Variants in PCSK6 observed in about 807,000 individuals in gnomAD.
PCSK6 encodes paired basic amino acid cleaving enzyme 4.
In PCSK6, 85 loss-of-function variants were observed where a neutral mutation model predicts 123.3. The observed-to-expected ratio is 0.69, with a 90% CI of 0.58 to 0.83. The LOEUF is 0.83. Ranked by LOEUF, PCSK6 falls within the 40% of genes least tolerant of loss-of-function variation. The pLI is 0.00. For synonymous variants in PCSK6, 508 were observed against 516.0 expected, an observed-to-expected ratio of 0.98 and a Z score of 0.21; for missense variants, 1,191 against 1,282.3, an observed-to-expected ratio of 0.93 and a Z score of 1.09.
chr15:101,364,557 A>G lies in PCSK6; in HGVS notation c.1858+1639T>C, dbSNP rs183035949. On this transcript the variant is annotated intron_variant, in intron 13 of 21. Transcript: ENST00000611716. The stretch of plus-strand genomic sequence containing the variant: ...AAATTAAGAAAACCATTCCATTTGC[A>G]ATAGCATAAAAATAATAAAATACTT... Among the ~76,000 whole-genome samples the G allele has an allele frequency of 8.7e-4, 132 of 152,358 alleles. 1 individual carries two copies. The highest frequency in any genetic ancestry group is 1.6e-3 in the Non-Finnish European group (108 of 68,036).
Position 101,483,867 on chromosome 15 carries a change from A to G in PCSK6, c.297+5507T>C, listed in dbSNP as rs993382964. 7.2e-5 allele frequency among the ~76,000 whole-genome samples: 11 copies of G among 152,310 alleles called. No individual in the cohort carries two copies. In the South Asian group the frequency reaches 2.3e-3, roughly 32 times the overall value. On this transcript the variant is annotated intron_variant, in intron 1 of 21. Coordinates refer to ENST00000611716, the MANE Select transcript of PCSK6 (RefSeq NM_002570.5). The stretch of plus-strand genomic sequence containing the variant: ...GTGGATCGGCCCAGTCTGGACATCT[A>G]AAGTAGGGACTTCTTAACATGGGCC...
intron 13 of PCSK6, among the ~76,000 whole-genome samples, chr15:101,355,356 T>A (rs1230275608): frequency 6.6e-6 from 1 of 152,232 alleles, no homozygotes; most frequent in Non-Finnish European, 1.5e-5. Flanking sequence ...GCCTGATTAT[T>A]TTTTCTATTT....
intron 13 of PCSK6, among the ~76,000 whole-genome samples, chr15:101,361,099 C>T (rs546382908): frequency 6.6e-6 from 1 of 151,274 alleles, no homozygotes; most frequent in Non-Finnish European, 1.5e-5. Context: ...ATGAATTCCA[C>T]TTCCTAATGT....
At chr15:101,365,921 G>A (rs1340233350) in intron 13 of PCSK6, 4 of 260,194 alleles carry the variant, frequency 1.5e-5, no homozygotes, top group South Asian at 1.2e-4. Context: ...AGGGAATGGG[G>A]AGTGGCTGCT....
At chr15:101,372,743 T>C (rs1596250221) in intron 11 of PCSK6, among the ~76,000 whole-genome samples, 2 of 152,278 alleles carry the variant, frequency 1.3e-5, no homozygotes, top group Admixed American at 6.5e-5. Context: ...GGCTTCAAAA[T>C]GTAGCTCCCA....
chr15:101,325,310 G>A (rs564582553), intron 16 of PCSK6, among the ~76,000 whole-genome samples: 4 of 152,202 alleles, frequency 2.6e-5, no homozygotes, highest in Admixed American at 6.5e-5. Context: ...CAAGGGCATC[G>A]TGAGGTTCGT....
At chr15:101,361,109 TTTTA>T (rs1230226971) in intron 13 of PCSK6, among the ~76,000 whole-genome samples, 2 of 152,140 alleles carry the variant, frequency 1.3e-5, no homozygotes, top group Non-Finnish European at 2.9e-5. Flanking sequence ...CTTCCTAATG[TTTTA>T]TTTAAGACTT....
chr15:101,418,543 G>A (rs796760403), intron 6 of PCSK6, among the ~76,000 whole-genome samples: 15 of 147,868 alleles, frequency 1.0e-4, no homozygotes, highest in African/African-American at 3.8e-4. Flanking sequence ...TTTTTTTGAG[G>A]CAAAGTCTTA....
intron 6 of PCSK6, among the ~76,000 whole-genome samples, chr15:101,403,019 C>T (rs2042640523): frequency 6.6e-6 from 1 of 152,042 alleles, no homozygotes; most frequent in Non-Finnish European, 1.5e-5. Context: ...TTGGAACCAA[C>T]CCAAATGTCC....
At chr15:101,464,660 G>T (rs1285263066) in intron 1 of PCSK6, among the ~76,000 whole-genome samples, 3 of 152,174 alleles carry the variant, frequency 2.0e-5, no homozygotes, top group Non-Finnish European at 4.4e-5. Flanking sequence ...GGTCTGCTGG[G>T]AATGCAGGGA....
intron 6 of PCSK6, among the ~76,000 whole-genome samples, chr15:101,423,416 A>G (rs1457740711): frequency 6.6e-6 from 1 of 152,008 alleles, no homozygotes; most frequent in Non-Finnish European, 1.5e-5. Context: ...ATGTGCCACC[A>G]CACCTGGCTG....
Position 101,305,183 on chromosome 15 carries a change from C to G in PCSK6, c.*75G>C, listed in dbSNP as rs1414531232. The G allele has an allele frequency of 7.8e-7, 1 of 1,282,276 alleles. No homozygotes were observed. The highest frequency in any genetic ancestry group is 1.1e-6 in the Non-Finnish European group (1 of 910,060). The allele number at this position is 1,282,276 out of a possible 1,614,324, so 79.4% of individuals were successfully genotyped here. ...CAGGGCGCCGCTCCTGAAACAGACT[C>G]TGGCCGACAGTCTGGAGGAAGGTGG... On this transcript the variant is annotated 3_prime_UTR_variant, in exon 22 of 22. Coordinates refer to ENST00000611716, the MANE Select transcript of PCSK6 (RefSeq NM_002570.5). This position sits in a 1 kb window ranked among gnomAD's most constrained non-coding sequence, Gnocchi z 4.8.
At chr15:101,357,093 A>G (rs1327467495) in intron 13 of PCSK6, among the ~76,000 whole-genome samples, 1 of 152,210 alleles carries the variant, frequency 6.6e-6, no homozygotes, top group African/African-American at 2.4e-5. Context: ...CTTTTAAAGC[A>G]ATTAACTTGC....
intron 6 of PCSK6, among the ~76,000 whole-genome samples, chr15:101,402,918 T>C (rs919556185): frequency 8.7e-4 from 133 of 152,248 alleles, no homozygotes; most frequent in African/African-American, 3.1e-3. Context: ...ATCCCATTAC[T>C]GGGTATATAC....
intron 2 of PCSK6, among the ~76,000 whole-genome samples, chr15:101,441,501 G>A (rs930701875): frequency 1.3e-5 from 2 of 151,946 alleles, no homozygotes; most frequent in Non-Finnish European, 2.9e-5. Context: ...CACTCAGCAG[G>A]TGCACCATTA....
chr15:101,393,413 G>T lies in PCSK6; in HGVS notation c.1008C>A (p.Gly336=). Residue 336 remains glycine (G), a synonymous_variant, in exon 8 of 22, where the codon GGC becomes GGA. Coordinates refer to ENST00000611716, the MANE Select transcript of PCSK6 (RefSeq NM_002570.5). ...ATGCCCAGACGAAAATGGAGCCCAGGCCCTGCCGGCCCTGGAGGGACAAGA... is the reference window on the plus strand; with the variant it reads ...ATGCCCAGACGAAAATGGAGCCCAGTCCCTGCCGGCCCTGGAGGGACAAGA... ...FEYGIKKGRQ[G]LGSIFVWASG... 6.2e-7 allele frequency: 1 copy of T among 1,602,496 alleles called. No homozygotes were observed.
intron 20 of PCSK6, among the ~76,000 whole-genome samples, chr15:101,312,749 G>GCT (rs1596167764): frequency 6.6e-6 from 1 of 152,002 alleles, no homozygotes; most frequent in East Asian, 1.9e-4. Flanking sequence ...GGAGAATGGT[G>GCT]TGAATCTGGG....
At chr15:101,342,903 A>G (rs1308572602) in intron 13 of PCSK6, among the ~76,000 whole-genome samples, 5 of 146,404 alleles carry the variant, frequency 3.4e-5, no homozygotes, top group African/African-American at 1.0e-4. Context: ...CTCCGTCTCA[A>G]AAAAAAAAAA....
chr15:101,395,129 GCCAC>G, intron 7 of PCSK6, among the ~76,000 whole-genome samples: 1 of 152,182 alleles, frequency 6.6e-6, no homozygotes, highest in South Asian at 2.1e-4. Context: ...CCTAGACACT[GCCAC>G]TCCTAACTCC....
Sources: allele counts gnomAD v4.1 joint callset (sites outside exome capture counted in the v4.1 genomes callset), GRCh38; gene constraint gnomAD v4.1.1; non-coding constraint Gnocchi (gnomAD v3.1); transcripts MANE v1.5; gene names NCBI Gene and HGNC (gene_info 2026-07-23, HGNC 2026-07-21).